COL25A1: variants seen among roughly 807,000 people sequenced by gnomAD.
COL25A1 encodes the protein collagen type XXV alpha 1 chain.
COL25A1 carries 103 observed loss-of-function variants against 128.4 expected under a neutral mutation model. The ratio of observed to expected loss-of-function variants is 0.80; its 90% CI spans 0.68 to 0.94. The LOEUF (loss-of-function observed/expected upper bound fraction) is 0.94, where lower values mean the gene tolerates loss of function less well. Ranked by LOEUF, COL25A1 falls within the 40% of genes least tolerant of loss-of-function variation. The pLI is 0.00. For missense variants in COL25A1, 745 were observed against 840.0 expected (o/e 0.89, Z 1.40); for synonymous variants, 279 against 277.2 (o/e 1.01, Z -0.06).
chr4:108,984,148 A>T (rs1753378663), intron 6 of COL25A1, among the ~76,000 whole-genome samples: 1 of 152,224 alleles, frequency 6.6e-6, no homozygotes, highest in Non-Finnish European at 1.5e-5. Context: ...CCACCAGAGT[A>T]GCTAGATACA....
intron 6 of COL25A1, among the ~76,000 whole-genome samples, chr4:108,990,634 T>C (rs1754143832): frequency 6.6e-6 from 1 of 152,148 alleles, no homozygotes; most frequent in South Asian, 2.1e-4. Context: ...CTAAGGGCAA[T>C]ATCAAGTCAT....
intron 3 of COL25A1, among the ~76,000 whole-genome samples, chr4:109,241,734 C>A (rs1418256296): frequency 6.6e-6 from 1 of 151,808 alleles, no homozygotes; most frequent in African/African-American, 2.4e-5. Flanking sequence ...TACAGATGGT[C>A]TTAATTAAAA....
At chr4:109,196,145 A>T (rs767086798) in intron 3 of COL25A1, among the ~76,000 whole-genome samples, 4 of 152,218 alleles carry the variant, frequency 2.6e-5, no homozygotes, top group Non-Finnish European at 5.9e-5. Flanking sequence ...GGATGAGCCA[A>T]ATAAAGATAA....
chr4:109,280,322 G>T (rs756185224), intron 3 of COL25A1, among the ~76,000 whole-genome samples: 2 of 152,170 alleles, frequency 1.3e-5, no homozygotes, highest in East Asian at 3.8e-4. Context: ...AGCAAAAGAT[G>T]AGACAGCGTC....
At chr4:109,147,196 C>A (rs923904023) in intron 3 of COL25A1, among the ~76,000 whole-genome samples, 1 of 152,188 alleles carries the variant, frequency 6.6e-6, no homozygotes, top group African/African-American at 2.4e-5. Flanking sequence ...ATGATTAACA[C>A]AATTTAAATG....
chr4:109,294,871 A>T (rs747841986), intron 3 of COL25A1, among the ~76,000 whole-genome samples: 16 of 152,070 alleles, frequency 1.1e-4, no homozygotes, highest in Non-Finnish European at 1.8e-4. Context: ...CCTGATTCTG[A>T]CATATTTCCC....
At chr4:109,269,683 GT>G (rs1782060729) in intron 3 of COL25A1, among the ~76,000 whole-genome samples, 1 of 151,916 alleles carries the variant, frequency 6.6e-6, no homozygotes, top group African/African-American at 2.4e-5. Context: ...CTGATGGCCA[GT>G]GACGGTGAAC....
chr4:109,247,978 G>A (rs112092664), intron 3 of COL25A1, among the ~76,000 whole-genome samples: 4 of 152,230 alleles, frequency 2.6e-5, no homozygotes, highest in African/African-American at 9.6e-5. Flanking sequence ...GTAAGTTCAC[G>A]GAAGGAGGTA....
chr4:109,027,071 T>C (rs903855742), intron 5 of COL25A1, among the ~76,000 whole-genome samples: 1 of 152,216 alleles, frequency 6.6e-6, no homozygotes, highest in African/African-American at 2.4e-5. Flanking sequence ...ACCTACAGTG[T>C]GCAGGCATTC....
intron 6 of COL25A1, among the ~76,000 whole-genome samples, chr4:108,981,922 CTGGCTAGGCACGG>C (rs1240979700): frequency 6.6e-6 from 1 of 152,100 alleles, no homozygotes; most frequent in Non-Finnish European, 1.5e-5. Context: ...AATCAACTTC[CTGGCTAGGCACGG>C]TGGCTCATGC....
intron 3 of COL25A1, among the ~76,000 whole-genome samples, chr4:109,168,434 A>G (rs911639760): frequency 6.6e-6 from 1 of 152,242 alleles, no homozygotes; most frequent in African/African-American, 2.4e-5. Context: ...GAGTTTCACC[A>G]TAAGTTATGA....
At chr4:109,042,449 C>A (rs1186431498) in intron 5 of COL25A1, among the ~76,000 whole-genome samples, 6 of 152,014 alleles carry the variant, frequency 3.9e-5, no homozygotes, top group African/African-American at 1.4e-4. Flanking sequence ...TACCCCCAAA[C>A]AGCCTTTCAG....
At chr4:108,817,581 T>C (rs1731361242) in intron 36 of COL25A1, 146 bp from the exon 37 acceptor site, 4 of 637,072 alleles carry the variant, frequency 6.3e-6, no homozygotes, top group African/African-American at 1.8e-5. Context: ...CAACTCCCGA[T>C]ATATTTCCCA....
In COL25A1 at chr4:109,270,233, G is replaced by A. The variant is rs569211165; in HGVS notation, c.367+30350C>T. 4.6e-5 allele frequency among the ~76,000 whole-genome samples: 7 copies of A among 152,204 alleles called. No homozygotes were observed. The East Asian group carries it at 1.2e-3, about 25-fold the overall frequency. On this transcript the variant is annotated intron_variant, in intron 3 of 37. Transcript: ENST00000399132. ...AGTTCTGGCCAGGGCAATTAGGCAG[G>A]AGAAGGAAATAAAGGGTATTCAATT...
At chr4:108,915,789 A>C (rs533413640) in intron 13 of COL25A1, among the ~76,000 whole-genome samples, 1 of 152,292 alleles carries the variant, frequency 6.6e-6, no homozygotes, top group South Asian at 2.1e-4. Context: ...TTTTGGAAAA[A>C]GCAAAATTGT....
chr4:109,006,167 CA>C (rs1755947647), intron 6 of COL25A1, among the ~76,000 whole-genome samples: 1 of 147,406 alleles, frequency 6.8e-6, no homozygotes, highest in African/African-American at 2.5e-5. Context: ...AAAATTTGAT[CA>C]AATAAAAGAA....
In COL25A1 at chr4:109,114,335, G is replaced by A. The variant is rs540892727; in HGVS notation, c.368-64156C>T. On this transcript the variant is annotated intron_variant, in intron 3 of 37. Transcript: ENST00000399132. ...TCAACAGGATTACAATTTAGGACAG[G>A]GGTTTACACAACTGTATACTTGCAA... 2.0e-5 allele frequency among the ~76,000 whole-genome samples: 3 copies of A among 152,150 alleles called. No homozygotes were observed. In the East Asian group the frequency reaches 5.8e-4, roughly 29 times the overall value.
At chr4:109,209,402 T>C (rs576657088) in intron 3 of COL25A1, among the ~76,000 whole-genome samples, 1 of 152,260 alleles carries the variant, frequency 6.6e-6, no homozygotes, top group Non-Finnish European at 1.5e-5. Flanking sequence ...CCTTCAGAGA[T>C]GAAATATCAT....
At chr4:109,009,723 G>T (rs556542777) in intron 6 of COL25A1, among the ~76,000 whole-genome samples, 1 of 152,122 alleles carries the variant, frequency 6.6e-6, no homozygotes, top group East Asian at 1.9e-4. Flanking sequence ...TATTGATATT[G>T]AATTTGTTGT....
Sources: gnomAD v4.1 joint callset for allele counts (sites outside exome capture counted in the v4.1 genomes callset) on GRCh38, gnomAD v4.1.1 for gene constraint, MANE v1.5 for transcripts, NCBI Gene and HGNC (gene_info 2026-07-23, HGNC 2026-07-21) for gene names.